The following KDM4B variants were observed in gnomAD, a reference collection of about 807,000 sequenced individuals.
The protein encoded by KDM4B is lysine demethylase 4B, also known as lysine-specific demethylase 4B.
KDM4B carries 32 observed loss-of-function variants against 125.2 expected under a neutral mutation model. The observed-to-expected ratio is 0.26, with a 90% CI of 0.19 to 0.34. KDM4B has a LOEUF of 0.34. KDM4B is among the 10% of genes least tolerant of loss of function. KDM4B has a pLI of 1.00. For missense variants in KDM4B, 1,190 were observed against 1,577.7 expected (o/e 0.75, Z 4.16); for synonymous variants, 721 against 677.9 (o/e 1.06, Z -0.99).
At chr19:5,068,312 C>A (rs894322579) in intron 6 of KDM4B, among the ~76,000 whole-genome samples, 20 of 152,310 alleles carry the variant, frequency 1.3e-4, no homozygotes, top group African/African-American at 4.1e-4. Context: ...TTCAGTCCGC[C>A]AGTTCCATGG....
Position 5,110,735 on chromosome 19 carries a change from C to T in KDM4B, c.1032C>T (p.His344=), listed in dbSNP as rs1255553422. The T allele has an allele frequency of 1.4e-5, 22 of 1,612,036 alleles. No homozygotes were observed. The highest frequency in any genetic ancestry group is 1.7e-5 in the Admixed American group (1 of 59,936). The part of the protein sequence containing the change: ...KQGKDLTVLD[H]TRPTALTSPE... ...GCAAGGACCTCACGGTGCTGGACCA[C>T]ACGCGGCCCACGGCGCTCACCAGCC... Residue 344 remains histidine (H), a synonymous_variant, in exon 10 of 23, where the codon CAC becomes CAT. Coordinates refer to ENST00000159111, the MANE Select transcript of KDM4B (RefSeq NM_015015.3).
intron 2 of KDM4B, among the ~76,000 whole-genome samples, chr19:5,031,676 G>A (rs2036464080): frequency 6.6e-6 from 1 of 152,220 alleles, no homozygotes; most frequent in Non-Finnish European, 1.5e-5. Context: ...AGGCCAGGGG[G>A]CGACCTCGGC....
At chr19:4,989,834 G>A (rs1370753913) in intron 1 of KDM4B, among the ~76,000 whole-genome samples, 1 of 152,142 alleles carries the variant, frequency 6.6e-6, no homozygotes, top group Non-Finnish European at 1.5e-5. Context: ...TGCATTTTTA[G>A]TAGAGATAGG....
intron 9 of KDM4B, among the ~76,000 whole-genome samples, chr19:5,093,489 C>T (rs906470752): frequency 8.5e-5 from 13 of 152,290 alleles, no homozygotes; most frequent in East Asian, 7.7e-4. Flanking sequence ...ACGCGGCTGC[C>T]GAGCACTTCC....
chr19:4,974,183 G>A (rs1435275737), intron 1 of KDM4B, among the ~76,000 whole-genome samples: 2 of 151,936 alleles, frequency 1.3e-5, no homozygotes, highest in Non-Finnish European at 2.9e-5. Flanking sequence ...AGATCACAAG[G>A]TCAGGAGATC....
intron 1 of KDM4B, among the ~76,000 whole-genome samples, chr19:5,013,752 C>T (rs899795731): frequency 1.3e-5 from 2 of 152,234 alleles, no homozygotes. Context: ...CAGTCCCATC[C>T]GCAAAGCCCC....
At chr19:5,128,143 C>T (rs1470290788) in intron 11 of KDM4B, among the ~76,000 whole-genome samples, 4 of 148,788 alleles carry the variant, frequency 2.7e-5, no homozygotes, top group African/African-American at 7.5e-5. Flanking sequence ...GTGTCCCTGG[C>T]CCCCACAGCC....
rs2036581559 is a variant in KDM4B, at chr19:5,035,253, T to G, written c.141+2222T>G. On this transcript the variant is annotated intron_variant, in intron 3 of 22. Coordinates refer to ENST00000159111, the MANE Select transcript of KDM4B (RefSeq NM_015015.3). This position sits in a 1 kb window ranked among gnomAD's most constrained non-coding sequence, Gnocchi z 5.3. ...CGCCTCCCTTTATCCTGGCACCGCA[T>G]CTGCCTCTGTCTCCTGCCCTTGACC... Among the ~76,000 whole-genome samples, 1 of 152,150 alleles carries G rather than the reference T, an allele frequency of 6.6e-6. No individual in the cohort carries two copies. Among genetic ancestry groups the G allele is most frequent in the African/African-American group, 2.4e-5 (1 of 41,448 alleles).
intron 1 of KDM4B, among the ~76,000 whole-genome samples, chr19:4,973,520 A>G (rs889845111): frequency 7.9e-5 from 12 of 152,196 alleles, no homozygotes; most frequent in African/African-American, 2.9e-4. Flanking sequence ...ATTCGCGTTC[A>G]AATGAGCTTA....
At chr19:5,138,579 C>A (rs1490031536) in intron 18 of KDM4B, 2 of 159,544 alleles carry the variant, frequency 1.3e-5, no homozygotes, top group African/African-American at 4.8e-5. Flanking sequence ...TCGCCTGAGC[C>A]CGGGATACCC....
At chr19:4,973,304 T>C (rs572838496) in intron 1 of KDM4B, among the ~76,000 whole-genome samples, 2 of 152,320 alleles carry the variant, frequency 1.3e-5, no homozygotes, top group African/African-American at 4.8e-5. Flanking sequence ...TTCTCTGGCC[T>C]CAGCCTCCCG....
At chr19:5,016,768 G>A (rs541732506) in intron 2 of KDM4B, among the ~76,000 whole-genome samples, 1 of 152,330 alleles carries the variant, frequency 6.6e-6, no homozygotes, top group African/African-American at 2.4e-5. Context: ...CTAAAAATGG[G>A]AGACTCATTT....
At position 5,067,656 on chromosome 19, in the gene KDM4B, G is replaced by T. The variant is rs548851675; in HGVS notation, c.627-3354G>T. On this transcript the variant is annotated intron_variant, in intron 6 of 22. Transcript: ENST00000159111. ...GGGGGAGGGAGGGGAGGGAGGGAAT[G>T]CCAGGGGCTTGTGGGCAGGGCCCGT... is the stretch of plus-strand genomic sequence containing the variant. Among the ~76,000 whole-genome samples, 14 of 152,222 alleles carry T rather than the reference G, an allele frequency of 9.2e-5. No individual in the cohort carries two copies. The South Asian group carries it at 2.9e-3, about 32-fold the overall frequency.
At chr19:4,985,839 C>T (rs58206928) in intron 1 of KDM4B, among the ~76,000 whole-genome samples, 12,578 of 152,180 alleles carry the variant, frequency 0.083, 1,583 homozygotes, top group African/African-American at 0.27. Flanking sequence ...AGCCTGGGAG[C>T]GCGGATTGGG....
chr19:5,035,661 C>T lies in KDM4B; in HGVS notation c.141+2630C>T, dbSNP rs965014000. On this transcript the variant is annotated intron_variant, in intron 3 of 22. Transcript: ENST00000159111. This position sits in a 1 kb window ranked among gnomAD's most constrained non-coding sequence, Gnocchi z 5.3. ...CCAGTTCCCCCGAGATTCTTGGCACCGGCGTCTTAAGCCAGTGTGGGGAGT... is the reference window on the plus strand; with the variant it reads ...CCAGTTCCCCCGAGATTCTTGGCACTGGCGTCTTAAGCCAGTGTGGGGAGT... 2.0e-5 allele frequency among the ~76,000 whole-genome samples: 3 copies of T among 152,128 alleles called. No homozygotes were observed. The highest frequency in any genetic ancestry group is 2.1e-4 in the South Asian group (1 of 4,828).
At position 5,041,745 on chromosome 19, in the gene KDM4B, C is replaced by A. The variant is rs143226977; in HGVS notation, c.432+494C>A. 5.7e-3 allele frequency among the ~76,000 whole-genome samples: 865 copies of A among 152,372 alleles called. 9 individuals are homozygous for A. The highest frequency in any genetic ancestry group is 0.02 in the African/African-American group (817 of 41,594). ...ACACAGCCTGGGCTCTCCATGAGGG[C>A]AGCTGGCCGGCATCCCCAGAGTCCC... On this transcript the variant is annotated intron_variant, in intron 5 of 22. Coordinates refer to ENST00000159111, the MANE Select transcript of KDM4B (RefSeq NM_015015.3).
At position 5,096,514 on chromosome 19, in the gene KDM4B, T is replaced by C. The variant is rs149404590; in HGVS notation, c.918+14010T>C. Among the ~76,000 whole-genome samples the C allele has an allele frequency of 5.6e-3, 856 of 152,296 alleles. 8 individuals carry two copies. The highest frequency in any genetic ancestry group is 0.02 in the African/African-American group (822 of 41,564). ...GCAACCCCTGGGGTTCCTGCTGACC[T>C]CAGTGCCCCTGCCCAGACCCCAGTT... is the stretch of plus-strand genomic sequence containing the variant. On this transcript the variant is annotated intron_variant, in intron 9 of 22. Transcript: ENST00000159111.
At chr19:5,121,666 C>CT (rs1215483795) in intron 11 of KDM4B, among the ~76,000 whole-genome samples, 1 of 152,056 alleles carries the variant, frequency 6.6e-6, no homozygotes, top group Non-Finnish European at 1.5e-5. Context: ...AATTAAGAGA[C>CT]TTTTTTTGGA....
chr19:5,085,793 C>T (rs990153775), intron 9 of KDM4B, among the ~76,000 whole-genome samples: 5 of 152,188 alleles, frequency 3.3e-5, no homozygotes, highest in Admixed American at 6.5e-5. Context: ...TCGGGGGGGT[C>T]GGTGGCTCTC....
Sources: gnomAD v4.1 joint callset for allele counts (sites outside exome capture counted in the v4.1 genomes callset) on GRCh38, gnomAD v4.1.1 for gene constraint, Gnocchi (gnomAD v3.1) non-coding constraint, MANE v1.5 for transcripts, NCBI Gene and HGNC (gene_info 2026-07-23, HGNC 2026-07-21) for gene names.